Variants in SBF2 observed in about 807,000 individuals in gnomAD.
SBF2 encodes the protein SET binding factor 2.
In SBF2, 112 loss-of-function variants were observed where a neutral mutation model predicts 225.2. That is an observed-to-expected ratio of 0.50 (90% CI 0.43 to 0.58). The LOEUF (loss-of-function observed/expected upper bound fraction) is 0.58, where lower values mean the gene tolerates loss of function less well. Ranked by LOEUF, SBF2 falls within the 20% of genes least tolerant of loss-of-function variation. SBF2 has a pLI of 0.00. For synonymous variants in SBF2, 763 were observed against 773.3 expected (o/e 0.99, Z 0.22); for missense variants, 1,996 against 2,206.2 (o/e 0.90, Z 1.91).
chr11:9,969,642 G>C (rs1471661945), intron 13 of SBF2, among the ~76,000 whole-genome samples: 2 of 152,012 alleles, frequency 1.3e-5, no homozygotes, highest in African/African-American at 4.8e-5. Flanking sequence ...TTCCTTTCTT[G>C]CATTTCTTAG....
chr11:10,210,099 A>T (rs1288971923), intron 1 of SBF2, among the ~76,000 whole-genome samples: 7 of 152,150 alleles, frequency 4.6e-5, no homozygotes, highest in Admixed American at 4.6e-4. Flanking sequence ...TGAGCCCAGG[A>T]GTTCCAGTTC....
chr11:10,130,370 A>T (rs545670045), intron 2 of SBF2, among the ~76,000 whole-genome samples: 1 of 152,276 alleles, frequency 6.6e-6, no homozygotes, highest in East Asian at 1.9e-4. Flanking sequence ...TCAGAAAAAA[A>T]AAAAAAATTC....
intron 16 of SBF2, among the ~76,000 whole-genome samples, chr11:9,905,218 ACT>A (rs765166519): frequency 3.3e-5 from 5 of 152,124 alleles, no homozygotes; most frequent in Non-Finnish European, 7.3e-5. Context: ...AGCATATCAC[ACT>A]CTATTGTGAT....
At chr11:9,946,433 CTTTT>C (rs879844870) in intron 16 of SBF2, among the ~76,000 whole-genome samples, 263 of 146,344 alleles carry the variant, frequency 1.8e-3, no homozygotes, top group African/African-American at 6.0e-3. Flanking sequence ...TATTATATTT[CTTTT>C]TTTCTTTCTT....
At chr11:9,839,443 T>G (rs774960947) in intron 26 of SBF2, 55 bp downstream of exon 26, 113 of 1,551,328 alleles carry the variant, frequency 7.3e-5, no homozygotes, top group Non-Finnish European at 1.0e-4. Context: ...TATTAAAGAT[T>G]CAAATAAGAA....
chr11:10,301,332 C>A (rs1250350262), intron 1 of SBF2, among the ~76,000 whole-genome samples: 2 of 152,096 alleles, frequency 1.3e-5, no homozygotes. Context: ...TTTATTAGGT[C>A]CTTAGAGAAG....
At chr11:9,868,547 A>T (rs891269204) in intron 17 of SBF2, among the ~76,000 whole-genome samples, 4 of 151,984 alleles carry the variant, frequency 2.6e-5, no homozygotes, top group Non-Finnish European at 4.4e-5. Context: ...AAAATAAAAA[A>T]AAAGTTTGTC....
At chr11:9,899,037 G>A (rs1180966392) in intron 16 of SBF2, among the ~76,000 whole-genome samples, 1 of 147,692 alleles carries the variant, frequency 6.8e-6, no homozygotes, top group Non-Finnish European at 1.5e-5. Flanking sequence ...TTTAGAGGAA[G>A]TTTAGTAAAA....
chr11:10,147,719 A>G (rs530314484), intron 2 of SBF2, among the ~76,000 whole-genome samples: 15 of 152,300 alleles, frequency 9.8e-5, no homozygotes, highest in Admixed American at 1.3e-4. Context: ...GAACTATAAC[A>G]AAAGTTTAAA....
chr11:10,016,184 T>A (rs1407501039), intron 6 of SBF2, among the ~76,000 whole-genome samples: 2 of 152,124 alleles, frequency 1.3e-5, no homozygotes, highest in African/African-American at 4.8e-5. Flanking sequence ...TCATTTAGTA[T>A]CAGATAAATT....
At chr11:9,877,531 T>G (rs1433094114) in intron 17 of SBF2, among the ~76,000 whole-genome samples, 1 of 152,184 alleles carries the variant, frequency 6.6e-6, no homozygotes, top group African/African-American at 2.4e-5. Context: ...TTTCTCCTAA[T>G]GCTATCCCTA....
rs750421955 is a variant in SBF2 at position 9,852,733 on chromosome 11, G to A, written c.2553C>T (p.His851=). ...GATGTACTGCTTCTAGGGTCTCAAT[G>A]TGCATAGCTACAATTCCTAGGATGA... ...HCMIPGIVAM[H]IETLEAVHRE... Residue 851 remains histidine (H), a synonymous_variant, in exon 21 of 40, where the codon CAC becomes CAT. Coordinates refer to ENST00000256190, the MANE Select transcript of SBF2 (RefSeq NM_030962.4). 1 of 1,611,884 alleles carries A rather than the reference G, an allele frequency of 6.2e-7. No individual in the cohort carries two copies. Among genetic ancestry groups the A allele is most frequent in the African/African-American group, 1.3e-5 (1 of 74,862 alleles).
At chr11:9,982,224 A>C (rs1050293321) in intron 13 of SBF2, among the ~76,000 whole-genome samples, 5 of 152,204 alleles carry the variant, frequency 3.3e-5, no homozygotes, top group African/African-American at 1.2e-4. Flanking sequence ...ACCAGCTGAC[A>C]ACCGCAGTGC....
At chr11:9,888,837 G>A (rs1285140992) in intron 17 of SBF2, among the ~76,000 whole-genome samples, 4 of 152,200 alleles carry the variant, frequency 2.6e-5, no homozygotes, top group African/African-American at 9.7e-5. Flanking sequence ...TTACTAGCTA[G>A]GTAGTATAGA....
chr11:10,254,259 T>C (rs897115162), intron 1 of SBF2, among the ~76,000 whole-genome samples: 5 of 151,988 alleles, frequency 3.3e-5, no homozygotes, highest in African/African-American at 1.2e-4. Flanking sequence ...CTGGGCATGG[T>C]GCTGTGTGAC....
chr11:10,283,048 T>C (rs1427701896), intron 1 of SBF2, among the ~76,000 whole-genome samples: 1 of 152,192 alleles, frequency 6.6e-6, no homozygotes, highest in East Asian at 1.9e-4. Flanking sequence ...ATGCATACCA[T>C]ACAAATTGGT....
At chr11:10,058,797 T>C (rs1292195322) in intron 2 of SBF2, among the ~76,000 whole-genome samples, 2 of 152,182 alleles carry the variant, frequency 1.3e-5, no homozygotes, top group Non-Finnish European at 2.9e-5. Context: ...TCCATCAGGC[T>C]GACAGTAGAC....
chr11:10,244,564 T>C (rs1484948165), intron 1 of SBF2, among the ~76,000 whole-genome samples: 2 of 152,238 alleles, frequency 1.3e-5, no homozygotes, highest in Non-Finnish European at 2.9e-5. Context: ...TCTAGCTTTG[T>C]TGTTCTTGCT....
chr11:10,176,895 A>C (rs7111724), intron 2 of SBF2, among the ~76,000 whole-genome samples: 42,523 of 152,002 alleles, frequency 0.28, 6,140 homozygotes, highest in Middle Eastern at 0.35. Context: ...CCAAAAAAGA[A>C]AATTTTAGAC....
Sources: gnomAD v4.1 joint callset for allele counts (sites outside exome capture counted in the v4.1 genomes callset) on GRCh38, gnomAD v4.1.1 for gene constraint, MANE v1.5 for transcripts, NCBI Gene and HGNC (gene_info 2026-07-23, HGNC 2026-07-21) for gene names.